PKIA: variants seen among roughly 807,000 people sequenced by gnomAD.
The protein encoded by PKIA is PKI-alpha.
In PKIA, 4 loss-of-function variants were observed where a neutral mutation model predicts 7.6. The ratio of observed to expected loss-of-function variants is 0.52; its 90% confidence interval spans 0.26 to 1.20. The LOEUF is 1.20. Ranked by LOEUF, PKIA falls within the 50% of genes most tolerant of loss-of-function variation. The probability of loss-of-function intolerance (pLI) is 0.13; values close to 1 mark genes in which losing one functional copy is unlikely to be tolerated. For synonymous variants in PKIA, 21 were observed against 30.7 expected, an observed-to-expected ratio of 0.68 and a Z score of 1.04; for missense variants, 73 against 86.2, an observed-to-expected ratio of 0.85 and a Z score of 0.61.
At chr8:78,553,471 T>G (rs1243925733) in intron 1 of PKIA, among the ~76,000 whole-genome samples, 2 of 152,020 alleles carry the variant, frequency 1.3e-5, no homozygotes, top group Non-Finnish European at 2.9e-5. Context: ...TCTTTTTTTC[T>G]CATAGAAGAA....
intron 3 of PKIA, among the ~76,000 whole-genome samples, chr8:78,600,172 G>A (rs948289982): frequency 6.6e-6 from 1 of 151,706 alleles, no homozygotes; most frequent in African/African-American, 2.4e-5. Flanking sequence ...AGTATACAAA[G>A]CAATAACTTT....
chr8:78,516,773 CT>C (rs1242569003), intron 1 of PKIA, among the ~76,000 whole-genome samples: 1 of 152,174 alleles, frequency 6.6e-6, no homozygotes, highest in Non-Finnish European at 1.5e-5. Context: ...TTGAGTTACT[CT>C]TTTGCTTTCT....
chr8:78,530,851 C>T (rs1419094724), intron 1 of PKIA, among the ~76,000 whole-genome samples: 3 of 152,016 alleles, frequency 2.0e-5, no homozygotes, highest in Non-Finnish European at 4.4e-5. Flanking sequence ...AGAATTCTCT[C>T]CTATAACTGC....
intron 1 of PKIA, among the ~76,000 whole-genome samples, chr8:78,518,804 GAAGA>G (rs1226687710): frequency 6.6e-6 from 1 of 152,150 alleles, no homozygotes; most frequent in African/African-American, 2.4e-5. Context: ...ATCTTGTTGA[GAAGA>G]AAGAAAACAA....
chr8:78,582,517 T>C (rs1284724014), intron 2 of PKIA, among the ~76,000 whole-genome samples: 1 of 151,852 alleles, frequency 6.6e-6, no homozygotes, highest in Non-Finnish European at 1.5e-5. Context: ...CCACAACACG[T>C]GAGGATTATG....
intron 2 of PKIA, among the ~76,000 whole-genome samples, chr8:78,594,091 A>C (rs1366243190): frequency 6.6e-6 from 1 of 152,182 alleles, no homozygotes; most frequent in African/African-American, 2.4e-5. Context: ...GAGAAGGAGA[A>C]GTAACTATAG....
intron 2 of PKIA, among the ~76,000 whole-genome samples, chr8:78,588,937 A>T (rs1563591557): frequency 6.6e-6 from 1 of 152,038 alleles, no homozygotes; most frequent in East Asian, 1.9e-4. Flanking sequence ...AGAAAGATTT[A>T]AAAAATGCAG....
intron 1 of PKIA, among the ~76,000 whole-genome samples, chr8:78,522,132 A>G (rs747977523): frequency 9.2e-5 from 14 of 151,898 alleles, no homozygotes; most frequent in Non-Finnish European, 1.9e-4. Flanking sequence ...TGAATTGCAA[A>G]ACACTTTCAG....
chr8:78,592,314 G>T (rs1808119936), intron 2 of PKIA, among the ~76,000 whole-genome samples: 1 of 151,884 alleles, frequency 6.6e-6, no homozygotes, highest in Non-Finnish European at 1.5e-5. Context: ...TCTTTTATTG[G>T]AAAATAGATC....
chr8:78,530,439 T>C (rs1158400474), intron 1 of PKIA, among the ~76,000 whole-genome samples: 1 of 152,006 alleles, frequency 6.6e-6, no homozygotes, highest in Non-Finnish European at 1.5e-5. Context: ...CACTGGATCC[T>C]GAACTAGGAA....
intron 1 of PKIA, 72 bp from the exon 2 acceptor site, chr8:78,572,739 T>G (rs1457845815): frequency 6.6e-6 from 1 of 152,052 alleles, no homozygotes; most frequent in African/African-American, 2.4e-5. Context: ...GCTTGAACAT[T>G]TGCTTAAAAT....
intron 1 of PKIA, among the ~76,000 whole-genome samples, chr8:78,540,043 TTTC>T: frequency 6.6e-6 from 1 of 151,864 alleles, no homozygotes; most frequent in East Asian, 1.9e-4. Context: ...GCAAGTTCAT[TTTC>T]TTCTTACAAT....
At chr8:78,521,027 C>G (rs1476870899) in intron 1 of PKIA, among the ~76,000 whole-genome samples, 3 of 152,024 alleles carry the variant, frequency 2.0e-5, no homozygotes, top group African/African-American at 4.8e-5. Flanking sequence ...ACTCAAAGAA[C>G]CTTGATTCAC....
At chr8:78,526,013 G>A (rs1489393938) in intron 1 of PKIA, among the ~76,000 whole-genome samples, 5 of 152,052 alleles carry the variant, frequency 3.3e-5, no homozygotes, top group Non-Finnish European at 1.5e-5. Flanking sequence ...GGAGAACTCA[G>A]TGAAGTGTCT....
At chr8:78,546,686 T>G (rs1806832878) in intron 1 of PKIA, among the ~76,000 whole-genome samples, 1 of 152,224 alleles carries the variant, frequency 6.6e-6, no homozygotes, top group African/African-American at 2.4e-5. Flanking sequence ...TTGTTTTTCA[T>G]TCAGCTCTCG....
intron 2 of PKIA, among the ~76,000 whole-genome samples, chr8:78,594,708 C>T (rs1450721516): frequency 6.6e-6 from 1 of 151,982 alleles, no homozygotes; most frequent in African/African-American, 2.4e-5. Flanking sequence ...CAACATGTGT[C>T]ATGTTAATGA....
intron 1 of PKIA, among the ~76,000 whole-genome samples, chr8:78,528,600 G>T (rs1303386479): frequency 1.3e-5 from 2 of 151,486 alleles, no homozygotes; most frequent in Non-Finnish European, 2.9e-5. Flanking sequence ...TGAGGCAGGA[G>T]GGTCATTAAG....
At chr8:78,578,302 A>T (rs1192041904) in intron 2 of PKIA, among the ~76,000 whole-genome samples, 1 of 152,042 alleles carries the variant, frequency 6.6e-6, no homozygotes, top group Non-Finnish European at 1.5e-5. Context: ...TCTATTTAAA[A>T]ATTATGAAGA....
chr8:78,541,637 T>G (rs1329265508), intron 1 of PKIA, among the ~76,000 whole-genome samples: 2 of 152,164 alleles, frequency 1.3e-5, no homozygotes, highest in Admixed American at 6.6e-5. Context: ...GTTGACTTAA[T>G]GTGCACTACT....
Sources: gnomAD v4.1 joint callset for allele counts (sites outside exome capture counted in the v4.1 genomes callset) on GRCh38, gnomAD v4.1.1 for gene constraint, MANE v1.5 for transcripts, NCBI Gene and HGNC (gene_info 2026-07-23, HGNC 2026-07-21) for gene names.